The following ANKFN1 variants were observed in gnomAD, a reference collection of about 807,000 sequenced individuals.
The protein encoded by ANKFN1 is ankyrin repeat and fibronectin type III domain containing 1, also known as ankyrin repeat and fibronectin type-III domain-containing protein 1.
ANKFN1 carries 74 observed loss-of-function variants against 108.7 expected under a neutral mutation model. The observed-to-expected ratio is 0.68, with a 90% CI of 0.56 to 0.83. The LOEUF is 0.83. ANKFN1 is among the 40% of genes least tolerant of loss of function. The probability of loss-of-function intolerance (pLI) is 0.00; values close to 1 mark genes in which losing one functional copy is unlikely to be tolerated. For synonymous variants in ANKFN1, 547 were observed against 516.2 expected, an observed-to-expected ratio of 1.06 and a Z score of -0.81; for missense variants, 1,505 against 1,382.3, an observed-to-expected ratio of 1.09 and a Z score of -1.41.
chr17:56,167,274 CATATATATATAT>C (rs72093414), intron 1 of ANKFN1, among the ~76,000 whole-genome samples: 1 of 133,874 alleles, frequency 7.5e-6, no homozygotes, highest in African/African-American at 2.8e-5. Context: ...TATATATATA[CATATATATATAT>C]ACACACACAT....
chr17:56,268,227 A>G (rs1023671815), intron 3 of ANKFN1, among the ~76,000 whole-genome samples: 16 of 152,154 alleles, frequency 1.1e-4, no homozygotes, highest in African/African-American at 3.9e-4. Flanking sequence ...AATTATATCA[A>G]CCACTCTCTT....
rs571490355 is a variant in ANKFN1 at position 56,071,667 on chromosome 17, CA to C, written c.288+25347del. Among the ~76,000 whole-genome samples the C allele has an allele frequency of 1.2e-4, 18 of 152,262 alleles. No individual in the cohort carries two copies. The South Asian group carries it at 3.7e-3, about 32-fold the overall frequency. ...TTTTATAAAAGGATATCTATTACAA[CA>C]AAAACATTATATCCATCTCCCAGTG... is the stretch of plus-strand genomic sequence containing the variant. On this transcript the variant is annotated intron_variant, in intron 4 of 12. Coordinates refer to the ANKFN1 transcript ENST00000635860.
At chr17:56,154,692 G>GGAAC (rs553771666) in intron 1 of ANKFN1, among the ~76,000 whole-genome samples, 275 of 150,792 alleles carry the variant, frequency 1.8e-3, no homozygotes, top group Non-Finnish European at 3.3e-3. Context: ...CAAACTTTCA[G>GGAAC]TAAACCCTTT....
intron 19 of ANKFN1, among the ~76,000 whole-genome samples, chr17:56,496,185 T>G (rs1406742152): frequency 6.6e-6 from 1 of 152,006 alleles, no homozygotes. Flanking sequence ...GGTTTTTAAG[T>G]TTTTTCTTCA....
In ANKFN1 at chr17:56,062,573, T is replaced by TTTTTTTTTTTTTTTTTTTTTTTTTC. The variant is rs1555589520; in HGVS notation, c.288+16248_288+16249insTTTTTTTTTTTTTTTTTTTTTTTTC. On this transcript the variant is annotated intron_variant, in intron 4 of 12. Transcript: ENST00000635860. ...TGTAATCTCTGCTTTTTTTTTTTTT[T>TTTTTTTTTTTTTTTTTTTTTTTTTC]CTTTCCATTTGCTTGGTAAATTTTC... Among the ~76,000 whole-genome samples the TTTTTTTTTTTTTTTTTTTTTTTTTC allele has an allele frequency of 1.8e-4, 26 of 145,204 alleles. 1 individual carries two copies. Among genetic ancestry groups the TTTTTTTTTTTTTTTTTTTTTTTTTC allele is most frequent in the African/African-American group, 6.8e-4 (24 of 35,306 alleles).
intron 8 of ANKFN1, among the ~76,000 whole-genome samples, chr17:56,385,799 A>G (rs1014404186): frequency 1.3e-5 from 2 of 152,328 alleles, no homozygotes; most frequent in Non-Finnish European, 1.5e-5. Flanking sequence ...TAGAATGGCA[A>G]TCATTAAAAA....
intron 4 of ANKFN1, among the ~76,000 whole-genome samples, chr17:56,138,503 TTTTC>T (rs200302855): frequency 0.01 from 1,463 of 144,894 alleles, 17 homozygotes; most frequent in African/African-American, 0.034. Context: ...CAACATTTTT[TTTTC>T]TTTTCTTTTT....
At chr17:56,371,230 A>G (rs1037740430) in intron 6 of ANKFN1, among the ~76,000 whole-genome samples, 2 of 152,236 alleles carry the variant, frequency 1.3e-5, no homozygotes, top group Non-Finnish European at 2.9e-5. Flanking sequence ...AGCAAAACAC[A>G]GTCCTGAGTG....
chr17:56,050,347 G>A (rs527264183), intron 4 of ANKFN1, among the ~76,000 whole-genome samples: 25 of 147,898 alleles, frequency 1.7e-4, no homozygotes, highest in Admixed American at 1.7e-3. Context: ...TAGGTTGCCT[G>A]TTCACTCTGA....
At chr17:56,164,375 C>G (rs1423938401) in intron 1 of ANKFN1, among the ~76,000 whole-genome samples, 11 of 152,132 alleles carry the variant, frequency 7.2e-5, no homozygotes, top group Admixed American at 7.2e-4. Flanking sequence ...CTGCCCATCT[C>G]TACTGGATCT....
intron 4 of ANKFN1, among the ~76,000 whole-genome samples, chr17:56,056,973 G>C (rs1904891382): frequency 6.6e-6 from 1 of 152,186 alleles, no homozygotes; most frequent in African/African-American, 2.4e-5. Context: ...CTCAAACCCT[G>C]CTACTGCTTT....
intron 6 of ANKFN1, among the ~76,000 whole-genome samples, chr17:56,360,295 A>T (rs1480981247): frequency 4.6e-5 from 7 of 152,056 alleles, no homozygotes; most frequent in African/African-American, 1.7e-4. Context: ...TATTCCATCT[A>T]CTTGGAATGC....
At chr17:56,137,561 T>C (rs755955649) in intron 4 of ANKFN1, among the ~76,000 whole-genome samples, 2 of 152,144 alleles carry the variant, frequency 1.3e-5, no homozygotes, top group Non-Finnish European at 2.9e-5. Flanking sequence ...AGGTGGGATA[T>C]TGCCTATCAA....
chr17:56,361,372 T>A (rs1234260643), intron 6 of ANKFN1, among the ~76,000 whole-genome samples: 1 of 152,088 alleles, frequency 6.6e-6, no homozygotes, highest in East Asian at 1.9e-4. Context: ...CTTTTCCCCA[T>A]GAGTTTTAAC....
intron 3 of ANKFN1, among the ~76,000 whole-genome samples, chr17:56,296,889 A>G (rs2044528113): frequency 1.3e-5 from 2 of 152,152 alleles, no homozygotes; most frequent in Admixed American, 1.3e-4. Context: ...ATTAGATAAT[A>G]CCCACACATA....
intron 20 of ANKFN1, among the ~76,000 whole-genome samples, chr17:56,504,865 G>C (rs1378723700): frequency 6.9e-6 from 1 of 144,416 alleles, no homozygotes; most frequent in Non-Finnish European, 1.5e-5. Context: ...TAAACACAGG[G>C]TTGCATCAGG....
At chr17:56,328,884 T>C (rs2045590964) in intron 4 of ANKFN1, among the ~76,000 whole-genome samples, 1 of 152,128 alleles carries the variant, frequency 6.6e-6, no homozygotes, top group Admixed American at 6.6e-5. Flanking sequence ...ATCCAATCAC[T>C]AACAAAATGT....
intron 4 of ANKFN1, among the ~76,000 whole-genome samples, chr17:56,104,680 T>C (rs953173405): frequency 1.1e-4 from 16 of 152,194 alleles, no homozygotes; most frequent in Non-Finnish European, 2.1e-4. Context: ...ACAAGACAGA[T>C]AGCAGTGCTG....
chr17:56,406,711 G>A (rs2047933236), intron 8 of ANKFN1, among the ~76,000 whole-genome samples: 1 of 152,168 alleles, frequency 6.6e-6, no homozygotes, highest in African/African-American at 2.4e-5. Flanking sequence ...AAGGGCTTTT[G>A]TAAGACTTAC....
Sources: gnomAD v4.1 joint callset for allele counts (sites outside exome capture counted in the v4.1 genomes callset) on GRCh38, gnomAD v4.1.1 for gene constraint, MANE v1.5 for transcripts, NCBI Gene and HGNC (gene_info 2026-07-23, HGNC 2026-07-21) for gene names.